Variants in WWTR1 observed in about 807,000 individuals in gnomAD.
The protein encoded by WWTR1 is WW domain containing transcription regulator 1, also known as WW domain-containing transcription regulator protein 1.
Under a neutral mutation model 40.1 loss-of-function variants are expected in WWTR1, and 13 were observed. The observed-to-expected ratio is 0.32, with a 90% CI of 0.21 to 0.52. The LOEUF (loss-of-function observed/expected upper bound fraction) is 0.52. Among genes scored for constraint, WWTR1 ranks in the 20% least tolerant of loss-of-function variants. The pLI, the probability that WWTR1 is intolerant of heterozygous loss-of-function variation, is 0.97. For missense variants in WWTR1, 436 were observed against 523.1 expected, an observed-to-expected ratio of 0.83 and a Z score of 1.63; for synonymous variants, 230 against 210.1, an observed-to-expected ratio of 1.09 and a Z score of -0.82.
rs1212426675 is a variant in WWTR1, at chr3:149,529,119, C to A, written c.772-1150G>T. On this transcript the variant is annotated intron_variant, in intron 4 of 6. Coordinates refer to ENST00000360632, the MANE Select transcript of WWTR1 (RefSeq NM_015472.6). The stretch of plus-strand genomic sequence containing the variant: ...TACTTTTGTATGTTTACATTTGCAT[C>A]CCAAACCAAGGTTAGGCCTTTCCCC... Among the ~76,000 whole-genome samples the A allele has an allele frequency of 2.0e-5, 3 of 152,174 alleles. 1 individual carries two copies. The highest frequency in any genetic ancestry group is 2.9e-5 in the Non-Finnish European group (2 of 68,036).
At chr3:149,668,728 T>C (rs1268970343) in intron 2 of WWTR1, among the ~76,000 whole-genome samples, 3 of 152,036 alleles carry the variant, frequency 2.0e-5, no homozygotes, top group Admixed American at 2.0e-4. Flanking sequence ...GAACGGGGGA[T>C]CCCTTTTAAT....
At chr3:149,679,205 T>C (rs1281879121) in intron 1 of WWTR1, among the ~76,000 whole-genome samples, 1 of 152,238 alleles carries the variant, frequency 6.6e-6, no homozygotes, top group Non-Finnish European at 1.5e-5. Flanking sequence ...GTTGTTTTCC[T>C]CTCTGACTTC....
chr3:149,525,909 T>C (rs1735281601), intron 6 of WWTR1, 104 bp downstream of exon 6: 3 of 663,644 alleles, frequency 4.5e-6, no homozygotes, highest in South Asian at 4.7e-5. Context: ...AAATAAAAGT[T>C]GAAATTATAA....
At chr3:149,596,547 A>G (rs553163808) in intron 2 of WWTR1, among the ~76,000 whole-genome samples, 1 of 152,200 alleles carries the variant, frequency 6.6e-6, no homozygotes, top group African/African-American at 2.4e-5. Flanking sequence ...ATTTGAATAC[A>G]CAAGGCAACA....
upstream of WWTR1, among the ~76,000 whole-genome samples, chr3:149,660,903 T>C (rs1276350966): frequency 2.0e-5 from 3 of 152,246 alleles, no homozygotes; most frequent in African/African-American, 7.2e-5. Context: ...AATAATATTG[T>C]GGTAGTCTCT....
At chr3:149,699,127 A>T (rs1185250179) in intron 1 of WWTR1, among the ~76,000 whole-genome samples, 1 of 152,080 alleles carries the variant, frequency 6.6e-6, no homozygotes, top group Non-Finnish European at 1.5e-5. Flanking sequence ...AAGGCTACAA[A>T]TTTTCCAAAC....
chr3:149,673,839 G>C (rs1049805336), intron 1 of WWTR1, among the ~76,000 whole-genome samples: 1 of 151,992 alleles, frequency 6.6e-6, no homozygotes, highest in Non-Finnish European at 1.5e-5. Flanking sequence ...TTCCCCAGAG[G>C]TCTCAAGATT....
intron 2 of WWTR1, among the ~76,000 whole-genome samples, chr3:149,615,624 G>C (rs917991934): frequency 1.3e-5 from 2 of 152,156 alleles, no homozygotes; most frequent in East Asian, 1.9e-4. Context: ...AGCTCTATTG[G>C]AATGGCTACT....
chr3:149,704,847 T>G (rs1210181156), upstream of WWTR1, among the ~76,000 whole-genome samples: 1 of 142,402 alleles, frequency 7.0e-6, no homozygotes, highest in East Asian at 2.1e-4. Flanking sequence ...CACACAAAAG[T>G]TAAAAAAAAA....
At chr3:149,586,693 G>A (rs1408944789) in intron 2 of WWTR1, among the ~76,000 whole-genome samples, 1 of 152,140 alleles carries the variant, frequency 6.6e-6, no homozygotes, top group East Asian at 1.9e-4. Flanking sequence ...GGAAGGGGCT[G>A]GTTGCCAGGG....
chr3:149,561,833 T>C (rs1441688951), intron 3 of WWTR1, among the ~76,000 whole-genome samples: 1 of 152,172 alleles, frequency 6.6e-6, no homozygotes, highest in Admixed American at 6.5e-5. Context: ...TCTAGAATAA[T>C]GCTCAGGAAG....
At chr3:149,571,458 C>T (rs1415766218) in intron 3 of WWTR1, among the ~76,000 whole-genome samples, 1 of 152,074 alleles carries the variant, frequency 6.6e-6, no homozygotes, top group Non-Finnish European at 1.5e-5. Flanking sequence ...TCACTGGAGG[C>T]TTTGGTTTAC....
In WWTR1 at chr3:149,542,319, C is replaced by T. The variant is rs1169300857; in HGVS notation, c.771+16G>A. 11 of 1,608,880 alleles carry T rather than the reference C, an allele frequency of 6.8e-6. No individual in the cohort carries two copies. The highest frequency in any genetic ancestry group is 1.3e-5 in the African/African-American group (1 of 74,970). On this transcript the variant is annotated intron_variant, in intron 4 of 6. Coordinates refer to ENST00000360632, the MANE Select transcript of WWTR1 (RefSeq NM_015472.6). ...AAGGCCAGGGAGCCTCCACCAGACA[C>T]CATGGAAAGCCATACCTGCCTCATG...
At chr3:149,649,401 G>A (rs1032291686) in intron 2 of WWTR1, among the ~76,000 whole-genome samples, 2 of 152,148 alleles carry the variant, frequency 1.3e-5, no homozygotes, top group African/African-American at 4.8e-5. Context: ...TCTAAATCCC[G>A]AACAATAACA....
intron 2 of WWTR1, among the ~76,000 whole-genome samples, chr3:149,620,962 G>C (rs557623717): frequency 2.0e-5 from 3 of 152,286 alleles, no homozygotes; most frequent in Admixed American, 6.5e-5. Flanking sequence ...CAGAAATCTG[G>C]AGCATCATAA....
Position 149,542,577 on chromosome 3 carries a change from C to G in WWTR1, c.569-40G>C, listed in dbSNP as rs28763915. 1.9e-3 allele frequency: 3,005 copies of G among 1,546,066 alleles called. 57 individuals carry two copies. The African/African-American group carries it at 0.036, about 19-fold the overall frequency. On this transcript the variant is annotated intron_variant, in intron 3 of 6. Transcript: ENST00000360632. ...AACATACAGATTAATGACCAGGGCCCACAATACCTTATCAAAAATAGACCA... is the reference window on the plus strand; with the variant it reads ...AACATACAGATTAATGACCAGGGCCGACAATACCTTATCAAAAATAGACCA...
At chr3:149,651,485 C>T (rs192961156) in intron 2 of WWTR1, among the ~76,000 whole-genome samples, 29 of 152,080 alleles carry the variant, frequency 1.9e-4, no homozygotes, top group South Asian at 2.1e-4. Context: ...AAAGAAGACT[C>T]GATAGGTTAG....
chr3:149,536,668 G>A (rs975565054), intron 4 of WWTR1, among the ~76,000 whole-genome samples: 1 of 151,412 alleles, frequency 6.6e-6, no homozygotes, highest in African/African-American at 2.4e-5. Context: ...CTCTTTTCTC[G>A]TCCCTGTTGC....
chr3:149,549,933 A>ATT lies in WWTR1; in HGVS notation c.569-7397_569-7396insAA, dbSNP rs879813428. On this transcript the variant is annotated intron_variant, in intron 3 of 6. Transcript: ENST00000360632. Reference sequence around the variant, plus strand: ...TGGAACAGAAAAAGATATTAGATAAAAACTAAAGAAATCTGAATAAAGTAT... The same window carrying ATT: ...TGGAACAGAAAAAGATATTAGATAAATTAACTAAAGAAATCTGAATAAAGTAT... 9.8e-3 allele frequency among the ~76,000 whole-genome samples: 1,499 copies of ATT among 152,326 alleles called. 44 individuals are homozygous for ATT. The East Asian group carries it at 0.13, about 13-fold the overall frequency.
Sources: gnomAD v4.1 joint callset for allele counts (sites outside exome capture counted in the v4.1 genomes callset) on GRCh38, gnomAD v4.1.1 for gene constraint, MANE v1.5 for transcripts, NCBI Gene and HGNC (gene_info 2026-07-23, HGNC 2026-07-21) for gene names.